VPS8: variants seen among roughly 807,000 people sequenced by gnomAD.
VPS8 encodes VPS8 subunit of CORVET complex.
Under a neutral mutation model 216.4 loss-of-function variants are expected in VPS8, and 129 were observed. The observed-to-expected ratio is 0.60, with a 90% CI of 0.52 to 0.69. The LOEUF (loss-of-function observed/expected upper bound fraction) is 0.69. VPS8 is among the 30% of genes least tolerant of loss of function. The pLI, the probability that VPS8 is intolerant of heterozygous loss-of-function variation, is 0.00. For synonymous variants in VPS8, 571 were observed against 565.4 expected, an observed-to-expected ratio of 1.01 and a Z score of -0.14; for missense variants, 1,531 against 1,683.5, an observed-to-expected ratio of 0.91 and a Z score of 1.59.
At chr3:184,844,464 A>T (rs1479575974) in intron 8 of VPS8, among the ~76,000 whole-genome samples, 1 of 152,076 alleles carries the variant, frequency 6.6e-6, no homozygotes, top group East Asian at 1.9e-4. Context: ...AAAGAATAGT[A>T]TTAAAGAATA....
At chr3:184,944,618 C>G in intron 36 of VPS8, 2 of 979,338 alleles carry the variant, frequency 2.0e-6, no homozygotes, top group South Asian at 9.5e-5. Flanking sequence ...TGAATATTTT[C>G]CTCAGTATGA....
chr3:184,999,526 A>T (rs930277186), intron 44 of VPS8, among the ~76,000 whole-genome samples, 170 bp from the exon 45 acceptor site: 2 of 152,236 alleles, frequency 1.3e-5, no homozygotes, highest in Non-Finnish European at 2.9e-5. Context: ...TGGATTTTTA[A>T]AAAGAGAGGA....
intron 39 of VPS8, among the ~76,000 whole-genome samples, chr3:184,970,826 T>G (rs1479372712): frequency 6.6e-6 from 1 of 152,164 alleles, no homozygotes; most frequent in Non-Finnish European, 1.5e-5. Context: ...AAAGTTCAAC[T>G]AAGAGACTAT....
chr3:185,027,229 T>TA (rs1757496905), intron 46 of VPS8, among the ~76,000 whole-genome samples: 1 of 150,304 alleles, frequency 6.7e-6, no homozygotes, highest in Non-Finnish European at 1.5e-5. Flanking sequence ...GTGCAGTTTT[T>TA]ATGTTCTTTT....
chr3:184,932,370 A>G (rs1220190687), intron 34 of VPS8, among the ~76,000 whole-genome samples: 1 of 152,178 alleles, frequency 6.6e-6, no homozygotes, highest in African/African-American at 2.4e-5. Flanking sequence ...TAGATGACCA[A>G]TCTCTGGTTC....
intron 5 of VPS8, among the ~76,000 whole-genome samples, chr3:184,836,739 T>G (rs1283210751): frequency 1.3e-5 from 2 of 152,214 alleles, no homozygotes; most frequent in Non-Finnish European, 2.9e-5. Flanking sequence ...GAATAATTGC[T>G]CAATAGTGCC....
In VPS8 at chr3:184,866,892, A is replaced by C. The variant is rs1317683596; in HGVS notation, c.1412A>C (p.Lys471Thr). 1 of 1,612,570 alleles carries C rather than the reference A, an allele frequency of 6.2e-7. No homozygotes were observed. Among genetic ancestry groups the C allele is most frequent in the Non-Finnish European group, 8.5e-7 (1 of 1,179,444 alleles). Residue 471 changes from lysine (K) to threonine (T), a missense_variant, in exon 17 of 48, where the codon AAG becomes ACG. By Grantham distance (78) the Lys-to-Thr change is moderately conservative. Around this residue, in one of 3 missense-constraint regions of VPS8, gnomAD observed 1,318 missense variants for 1,468.4 expected, o/e 0.90. Transcript: ENST00000625842. Reference protein sequence around the residue: ...VSQALALVGEKACYQSISSYG... With the variant: ...VSQALALVGETACYQSISSYG... ...TTCTTCCAGGCTTTGGTTGGAGAGA[A>C]GGCTTGTTATCAATCCATCAGTAGC...
chr3:184,953,224 G>A (rs145255644), intron 36 of VPS8, among the ~76,000 whole-genome samples: 8 of 152,332 alleles, frequency 5.3e-5, no homozygotes, highest in Admixed American at 5.2e-4. Flanking sequence ...TCATGCTTAA[G>A]ACCAGACATC....
chr3:184,915,612 C>T lies in VPS8; in HGVS notation c.2382+138C>T, dbSNP rs142567065. ...TCATCTGAGGTCAGGAGTTCCAGAC[C>T]AGCCTGGTCAACATGGCAAAACCCC... On this transcript the variant is annotated intron_variant, in intron 28 of 47. Coordinates refer to ENST00000625842, the MANE Select transcript of VPS8 (RefSeq NM_001009921.3). 1.2e-3 allele frequency: 1,059 copies of T among 871,188 alleles called. 9 individuals carry two copies. In the African/African-American group the frequency reaches 0.016, roughly 13 times the overall value. The allele number at this position is 871,188 out of a possible 1,614,324, so 54.0% of individuals were successfully genotyped here. A position where few individuals can be genotyped will look rare whatever the true frequency, so the allele number is the denominator to read the frequency against.
rs1428363493 is a variant in VPS8, at chr3:184,915,460, A to C, written c.2368A>C (p.Asn790His). Residue 790 changes from asparagine to histidine, a missense_variant, in exon 28 of 48, where the codon AAT becomes CAT. This residue lies in a region of VPS8 where 1,318 missense variants were observed against 1,468.4 expected (regional missense o/e 0.90). Transcript: ENST00000625842. ...ACATTTTGACACAAGAGAATTTCTA[A>C]ATGTATTGGCACTGGTAAGAGACAG... ...LLHFDTREFL[N>H]VLALTFEDFK... 1.2e-6 allele frequency: 2 copies of C among 1,613,562 alleles called. No individual in the cohort carries two copies. Among genetic ancestry groups the C allele is most frequent in the Non-Finnish European group, 1.7e-6 (2 of 1,179,694 alleles).
intron 26 of VPS8, among the ~76,000 whole-genome samples, chr3:184,914,581 G>C (rs536251479): frequency 5.3e-5 from 8 of 152,278 alleles, no homozygotes; most frequent in African/African-American, 1.9e-4. Flanking sequence ...TAGAGACCCT[G>C]GTTTAACAGT....
intron 27 of VPS8, 127 bp downstream of exon 27, chr3:184,915,180 A>G (rs1737314850): frequency 7.5e-7 from 1 of 1,327,740 alleles, no homozygotes; most frequent in African/African-American, 1.5e-5. Flanking sequence ...GAGCTTACAC[A>G]CTATTACTAA....
intron 1 of VPS8, among the ~76,000 whole-genome samples, chr3:184,818,923 T>C (rs1156851017): frequency 2.0e-5 from 3 of 152,100 alleles, no homozygotes; most frequent in Non-Finnish European, 4.4e-5. Flanking sequence ...TTGCAGCTAC[T>C]TGGGAGACGT....
At chr3:184,878,571 A>G (rs148797101) in intron 21 of VPS8, among the ~76,000 whole-genome samples, 1 of 152,192 alleles carries the variant, frequency 6.6e-6, no homozygotes, top group South Asian at 2.1e-4. Context: ...CAGTGACTAC[A>G]AGCCAAACAC....
At chr3:184,891,496 AAAG>A (rs570520082) in intron 22 of VPS8, among the ~76,000 whole-genome samples, 67 of 152,298 alleles carry the variant, frequency 4.4e-4, no homozygotes, top group African/African-American at 1.6e-3. Flanking sequence ...CTGGGGGAAA[AAAG>A]GCGTTTTTAA....
intron 46 of VPS8, among the ~76,000 whole-genome samples, chr3:185,034,971 T>C (rs1052150608): frequency 6.6e-6 from 1 of 152,158 alleles, no homozygotes; most frequent in African/African-American, 2.4e-5. Flanking sequence ...GGAACAACTC[T>C]ATACACACAA....
rs1223110154 is a variant in VPS8 at position 184,940,183 on chromosome 3, GT to G, written c.2989-9del. ...TTAATATTTAATTGTAATTTTTATT[GT>G]TTTTCTGTTCAGAACCAGGTTTTGC... On this transcript the variant is annotated splice_polypyrimidine_tract_variant and intron_variant, in intron 35 of 47. Coordinates refer to ENST00000625842, the MANE Select transcript of VPS8 (RefSeq NM_001009921.3). 2.1e-6 allele frequency: 3 copies of G among 1,460,624 alleles called. No homozygotes were observed. Among genetic ancestry groups the G allele is most frequent in the Middle Eastern group, 2.2e-4 (1 of 4,604 alleles). The allele number at this position is 1,460,624 out of a possible 1,614,324, so 90.5% of individuals were successfully genotyped here.
chr3:184,975,440 A>T (rs2109679115), intron 40 of VPS8, among the ~76,000 whole-genome samples: 1 of 151,584 alleles, frequency 6.6e-6, no homozygotes, highest in African/African-American at 2.4e-5. Flanking sequence ...CAGTTCTAAC[A>T]GTTTCTTGGT....
intron 34 of VPS8, among the ~76,000 whole-genome samples, chr3:184,932,414 AT>A (rs1275285085): frequency 3.3e-5 from 5 of 152,170 alleles, no homozygotes; most frequent in African/African-American, 1.2e-4. Context: ...ATTTCATTAG[AT>A]TGTGTTGACA....
Sources: gnomAD v4.1 joint callset for allele counts (sites outside exome capture counted in the v4.1 genomes callset) on GRCh38, gnomAD v4.1.1 for gene constraint, gnomAD v4.1.1 regional missense constraint, MANE v1.5 for transcripts, NCBI Gene and HGNC (gene_info 2026-07-23, HGNC 2026-07-21) for gene names.